Variants in WWC2 observed in about 807,000 individuals in gnomAD.
WWC2 encodes the protein WW and C2 domain containing 2, also known as protein WWC2.
WWC2 carries 101 observed loss-of-function variants against 138.5 expected under a neutral mutation model. The ratio of observed to expected loss-of-function variants is 0.73; its 90% CI spans 0.62 to 0.86. WWC2 has a LOEUF of 0.86. Ranked by LOEUF, WWC2 falls within the 40% of genes least tolerant of loss-of-function variation. The pLI is 0.00. For missense variants in WWC2, 1,420 were observed against 1,419.4 expected (o/e 1.00, Z -0.01); for synonymous variants, 558 against 538.4 (o/e 1.04, Z -0.50).
At chr4:183,296,515 G>A (rs892078348) in intron 21 of WWC2, among the ~76,000 whole-genome samples, 1 of 152,162 alleles carries the variant, frequency 6.6e-6, no homozygotes, top group Non-Finnish European at 1.5e-5. Flanking sequence ...TTGTAAAATA[G>A]TGCTTTATTT....
Position 183,318,199 on chromosome 4 carries a change from A to G in WWC2, c.*2470A>G, listed in dbSNP as rs1241086011. ...GTATATTATTACAATTTTGTATATC[A>G]GAATCTTAAGTGTTACAGGTACAAA... On this transcript the variant is annotated 3_prime_UTR_variant, in exon 23 of 23. Coordinates refer to ENST00000403733, the MANE Select transcript of WWC2 (RefSeq NM_024949.6). 1 of 152,656 alleles carries G rather than the reference A, an allele frequency of 6.6e-6. No individual in the cohort carries two copies. The highest frequency in any genetic ancestry group is 6.5e-5 in the Admixed American group (1 of 15,282). 9.5% of individuals were successfully genotyped at this position (152,656 alleles called of 1,614,324 possible). A position where few individuals can be genotyped will look rare whatever the true frequency, so the allele number is the denominator to read the frequency against.
At chr4:183,280,567 T>C (rs1738036849) in intron 16 of WWC2, among the ~76,000 whole-genome samples, 1 of 152,126 alleles carries the variant, frequency 6.6e-6, no homozygotes, top group Non-Finnish European at 1.5e-5. Context: ...GGCCCTCTAG[T>C]CCTGATTGCC....
chr4:183,249,875 A>G, intron 7 of WWC2, 45 bp from the exon 8 acceptor site: 2 of 1,509,060 alleles, frequency 1.3e-6, no homozygotes, highest in Non-Finnish European at 1.8e-6. Flanking sequence ...TACTTCATTC[A>G]TTAGCAGAGT....
intron 1 of WWC2, among the ~76,000 whole-genome samples, chr4:183,189,330 G>T (rs748107212): frequency 7.2e-5 from 11 of 151,728 alleles, no homozygotes; most frequent in Non-Finnish European, 1.6e-4. Flanking sequence ...CCAGCTACTC[G>T]AGAGGCTGAG....
intron 1 of WWC2, among the ~76,000 whole-genome samples, chr4:183,185,199 G>T (rs1342943367): frequency 6.6e-6 from 1 of 152,178 alleles, no homozygotes; most frequent in Non-Finnish European, 1.5e-5. Flanking sequence ...CCTTTCAGTT[G>T]AGTCAGATCA....
intron 1 of WWC2, among the ~76,000 whole-genome samples, chr4:183,129,434 C>T (rs1052313108): frequency 3.9e-5 from 6 of 152,182 alleles, no homozygotes; most frequent in Non-Finnish European, 8.8e-5. Context: ...ACCTACTTAT[C>T]TCCAAATATT....
intron 21 of WWC2, among the ~76,000 whole-genome samples, chr4:183,309,401 C>A (rs1400613877): frequency 6.6e-6 from 1 of 152,186 alleles, no homozygotes; most frequent in Non-Finnish European, 1.5e-5. Context: ...AAAACAAACA[C>A]CCAGTTTAAA....
chr4:183,099,584 C>T lies in WWC2; in HGVS notation c.93C>T (p.His31=), dbSNP rs1197155132. Residue 31 remains histidine (H), a synonymous_variant, in exon 1 of 23, where the codon CAC becomes CAT. Coordinates refer to ENST00000403733, the MANE Select transcript of WWC2 (RefSeq NM_024949.6). The part of the protein sequence containing the change: ...DYDGKVFYID[H]NTRRTSWIDP... ...ACGGCAAGGTCTTCTACATTGACCA[C>T]AACACCAGGAGGACCAGCTGGATCG... 1.4e-6 allele frequency: 2 copies of T among 1,404,890 alleles called. No homozygotes were observed. The highest frequency in any genetic ancestry group is 1.9e-6 in the Non-Finnish European group (2 of 1,062,490). The allele number at this position is 1,404,890 out of a possible 1,614,324, so 87.0% of individuals were successfully genotyped here.
intron 5 of WWC2, among the ~76,000 whole-genome samples, chr4:183,243,540 C>T (rs1355141177): frequency 6.6e-6 from 1 of 152,134 alleles, no homozygotes; most frequent in Non-Finnish European, 1.5e-5. Flanking sequence ...CAAAGTACTT[C>T]ACTAGTCCCA....
chr4:183,190,139 C>T (rs938357146), intron 1 of WWC2, among the ~76,000 whole-genome samples: 4 of 152,288 alleles, frequency 2.6e-5, no homozygotes, highest in Non-Finnish European at 5.9e-5. Flanking sequence ...CATTAAGACT[C>T]TAGTTAATTT....
At chr4:183,206,624 CCT>C (rs1580057148) in intron 2 of WWC2, among the ~76,000 whole-genome samples, 4 of 152,122 alleles carry the variant, frequency 2.6e-5, no homozygotes, top group African/African-American at 7.2e-5. Flanking sequence ...ATCCAGGAAA[CCT>C]CTTTTATTTA....
At chr4:183,152,852 C>G (rs976506642) in intron 1 of WWC2, among the ~76,000 whole-genome samples, 2 of 151,744 alleles carry the variant, frequency 1.3e-5, no homozygotes, top group Non-Finnish European at 2.9e-5. Context: ...CACTGCACTC[C>G]AGCCTGGGTG....
At chr4:183,212,551 C>T (rs1735628115) in intron 4 of WWC2, among the ~76,000 whole-genome samples, 2 of 152,182 alleles carry the variant, frequency 1.3e-5, no homozygotes, top group Admixed American at 1.3e-4. Context: ...GTGCACTTCT[C>T]AGCAAGTTAT....
chr4:183,124,232 T>C (rs1732689589), intron 1 of WWC2, among the ~76,000 whole-genome samples: 1 of 152,222 alleles, frequency 6.6e-6, no homozygotes, highest in Admixed American at 6.5e-5. Context: ...TATTTACATT[T>C]TCCTGGAAAG....
At chr4:183,232,834 G>A (rs1736291624) in intron 4 of WWC2, among the ~76,000 whole-genome samples, 1 of 152,000 alleles carries the variant, frequency 6.6e-6, no homozygotes, top group South Asian at 2.1e-4. Flanking sequence ...TTTTAGTAAA[G>A]ACAGGGTTTT....
intron 16 of WWC2, among the ~76,000 whole-genome samples, chr4:183,275,430 T>C (rs1187465041): frequency 3.9e-5 from 6 of 152,126 alleles, no homozygotes; most frequent in African/African-American, 1.4e-4. Flanking sequence ...TAAGTATGAA[T>C]TTGGCTGTGG....
At chr4:183,229,199 T>C (rs1052999790) in intron 4 of WWC2, among the ~76,000 whole-genome samples, 2 of 152,102 alleles carry the variant, frequency 1.3e-5, no homozygotes, top group African/African-American at 4.8e-5. Flanking sequence ...TTTTTTACTT[T>C]CAGTGTGTAT....
At chr4:183,256,720 A>G (rs1278626511) in intron 9 of WWC2, among the ~76,000 whole-genome samples, 1 of 152,078 alleles carries the variant, frequency 6.6e-6, no homozygotes, top group Non-Finnish European at 1.5e-5. Flanking sequence ...ATGACTGTCA[A>G]AGCTACCTGC....
intron 5 of WWC2, among the ~76,000 whole-genome samples, chr4:183,244,890 A>C (rs965286402): frequency 6.6e-6 from 1 of 152,114 alleles, no homozygotes; most frequent in African/African-American, 2.4e-5. Context: ...GATTGAAGGC[A>C]AAAAGACATG....
Sources: gnomAD v4.1 joint callset for allele counts (sites outside exome capture counted in the v4.1 genomes callset) on GRCh38, gnomAD v4.1.1 for gene constraint, MANE v1.5 for transcripts, NCBI Gene and HGNC (gene_info 2026-07-23, HGNC 2026-07-21) for gene names.